The following CTNNA3 variants were observed in gnomAD, a reference collection of about 807,000 sequenced individuals.
CTNNA3 encodes catenin alpha 3.
Under a neutral mutation model 95.7 loss-of-function variants are expected in CTNNA3, and 76 were observed. The observed-to-expected ratio is 0.79, with a 90% CI of 0.66 to 0.96. CTNNA3 has a LOEUF of 0.96. Among genes scored for constraint, CTNNA3 ranks in the 40% least tolerant of loss-of-function variants. The probability of loss-of-function intolerance (pLI) is 0.00; values close to 1 mark genes in which losing one functional copy is unlikely to be tolerated. For synonymous variants in CTNNA3, 431 were observed against 374.4 expected (o/e 1.15, Z -1.74); for missense variants, 1,191 against 1,089.8 (o/e 1.09, Z -1.31).
At position 67,521,697 on chromosome 10, in the gene CTNNA3, C is replaced by T. The variant is rs1481928971; in HGVS notation, c.579+145G>A. The T allele has an allele frequency of 6.2e-6, 6 of 972,660 alleles. No homozygotes were observed. In the African/African-American group the frequency reaches 8.1e-5, roughly 13 times the overall value. 60.3% of individuals were successfully genotyped at this position (972,660 alleles called of 1,614,324 possible). On this transcript the variant is annotated intron_variant, in intron 5 of 17. Coordinates refer to ENST00000433211, the MANE Select transcript of CTNNA3 (RefSeq NM_013266.4). ...TGAACACTGTGGGAAGCCATATGAA[C>T]ACAGCAGATCAGCACAGCACAACCT...
chr10:66,841,942 T>C (rs918008598), intron 7 of CTNNA3, among the ~76,000 whole-genome samples: 15 of 151,976 alleles, frequency 9.9e-5, no homozygotes, highest in African/African-American at 2.4e-4. Context: ...ATGTGCTACT[T>C]TTTTTCTTTT....
intron 13 of CTNNA3, among the ~76,000 whole-genome samples, chr10:66,277,204 G>A (rs2132148869): frequency 6.6e-6 from 1 of 152,094 alleles, no homozygotes; most frequent in South Asian, 2.1e-4. Flanking sequence ...AAATAGTAAA[G>A]ACATAATCAT....
chr10:67,191,825 C>G (rs978763982), intron 6 of CTNNA3, among the ~76,000 whole-genome samples: 6 of 151,912 alleles, frequency 3.9e-5, no homozygotes, highest in Non-Finnish European at 5.9e-5. Context: ...AGGGATCACA[C>G]TTCCTGATTT....
At chr10:67,712,145 C>A (rs1249032121) in intron 1 of CTNNA3, among the ~76,000 whole-genome samples, 2 of 152,168 alleles carry the variant, frequency 1.3e-5, no homozygotes, top group South Asian at 2.1e-4. Flanking sequence ...AAATGTCCAA[C>A]AATGATAGAC....
At chr10:66,333,628 T>C (rs1250438844) in intron 12 of CTNNA3, among the ~76,000 whole-genome samples, 3 of 152,062 alleles carry the variant, frequency 2.0e-5, no homozygotes, top group Non-Finnish European at 4.4e-5. Flanking sequence ...TTACATTTGC[T>C]GAGGAGTGCT....
chr10:67,483,761 T>C (rs1479413030), intron 5 of CTNNA3, among the ~76,000 whole-genome samples: 1 of 88,228 alleles, frequency 1.1e-5, no homozygotes, highest in Non-Finnish European at 2.3e-5. Context: ...AGTATAATAA[T>C]AAAAAAATAA....
intron 2 of CTNNA3, among the ~76,000 whole-genome samples, chr10:67,633,361 C>A (rs1174458206): frequency 6.6e-6 from 1 of 152,198 alleles, no homozygotes; most frequent in African/African-American, 2.4e-5. Flanking sequence ...TCACTCCCCG[C>A]CCCAACGCAG....
chr10:67,215,135 C>T (rs1411194230), intron 6 of CTNNA3, among the ~76,000 whole-genome samples: 1 of 152,048 alleles, frequency 6.6e-6, no homozygotes, highest in Non-Finnish European at 1.5e-5. Context: ...TCAAAGTAAC[C>T]TCTTCAAATA....
chr10:67,040,440 C>G (rs1254497006), intron 7 of CTNNA3, among the ~76,000 whole-genome samples: 1 of 151,952 alleles, frequency 6.6e-6, no homozygotes, highest in Non-Finnish European at 1.5e-5. Context: ...GCAAAGTATC[C>G]AATTTGTCAT....
intron 7 of CTNNA3, among the ~76,000 whole-genome samples, chr10:67,024,891 G>A (rs921127291): frequency 6.6e-6 from 1 of 151,810 alleles, no homozygotes; most frequent in Non-Finnish European, 1.5e-5. Context: ...AGCACTTTAG[G>A]GGGCCAAGGC....
intron 10 of CTNNA3, among the ~76,000 whole-genome samples, chr10:66,590,301 G>C (rs1271125234): frequency 6.6e-6 from 1 of 152,052 alleles, no homozygotes; most frequent in African/African-American, 2.4e-5. Context: ...ATTAGTGAAA[G>C]AAGACTAGAG....
intron 15 of CTNNA3, among the ~76,000 whole-genome samples, chr10:66,010,998 T>C (rs1230562906): frequency 6.6e-6 from 1 of 152,226 alleles, no homozygotes; most frequent in Non-Finnish European, 1.5e-5. Context: ...AATGTCACCC[T>C]GTCTCTGGCA....
At chr10:66,185,250 A>C (rs939265226) in intron 13 of CTNNA3, among the ~76,000 whole-genome samples, 1 of 152,204 alleles carries the variant, frequency 6.6e-6, no homozygotes. Flanking sequence ...TAACACAATT[A>C]GTAGATAGAG....
chr10:67,597,389 G>A (rs750602039), intron 3 of CTNNA3, among the ~76,000 whole-genome samples: 5 of 152,218 alleles, frequency 3.3e-5, no homozygotes, highest in Non-Finnish European at 5.9e-5. Flanking sequence ...TGTGTGGGTT[G>A]ATGTTCCCTT....
chr10:66,575,617 T>C (rs1423076265), intron 10 of CTNNA3, among the ~76,000 whole-genome samples: 12 of 152,242 alleles, frequency 7.9e-5, no homozygotes, highest in Non-Finnish European at 1.8e-4. Flanking sequence ...ATCCTACAGC[T>C]GGTGGGAGAC....
chr10:67,647,354 TC>T, intron 2 of CTNNA3, 60 bp downstream of exon 2: 1 of 1,161,764 alleles, frequency 8.6e-7, no homozygotes, highest in South Asian at 1.5e-5. Flanking sequence ...TATTCATTTT[TC>T]CCACATATTT....
At position 66,250,873 on chromosome 10, in the gene CTNNA3, T is replaced by A. The variant is rs116757027; in HGVS notation, c.1884+29597A>T. Among the ~76,000 whole-genome samples the A allele has an allele frequency of 2.9e-3, 437 of 152,348 alleles. 2 individuals carry two copies. Among genetic ancestry groups the A allele is most frequent in the Middle Eastern group, 0.01 (3 of 294 alleles). On this transcript the variant is annotated intron_variant, in intron 13 of 17. Transcript: ENST00000433211. Reference sequence around the variant, plus strand: ...ACTTCTCAAATATTACTGCTATTTATATGTGGCCATTTTCTAGAGGGTAAC... The same window carrying A: ...ACTTCTCAAATATTACTGCTATTTAAATGTGGCCATTTTCTAGAGGGTAAC...
intron 11 of CTNNA3, among the ~76,000 whole-genome samples, chr10:66,454,980 T>C (rs1457389172): frequency 6.6e-6 from 1 of 152,188 alleles, no homozygotes; most frequent in Non-Finnish European, 1.5e-5. Flanking sequence ...TATTTTGGCA[T>C]CAATGAAATC....
intron 7 of CTNNA3, among the ~76,000 whole-genome samples, chr10:67,052,960 G>C (rs1855203418): frequency 6.6e-6 from 1 of 152,088 alleles, no homozygotes; most frequent in Non-Finnish European, 1.5e-5. Context: ...TTACCTCAAA[G>C]TATGTTCATT....
Sources: gnomAD v4.1 joint callset for allele counts (sites outside exome capture counted in the v4.1 genomes callset) on GRCh38, gnomAD v4.1.1 for gene constraint, MANE v1.5 for transcripts, NCBI Gene and HGNC (gene_info 2026-07-23, HGNC 2026-07-21) for gene names.